Variants in ZFAND6 observed in about 807,000 individuals in gnomAD.
The protein encoded by ZFAND6 is zinc finger AN1-type containing 6.
Under a neutral mutation model 24.5 loss-of-function variants are expected in ZFAND6, and 12 were observed. The ratio of observed to expected loss-of-function variants is 0.49; its 90% CI spans 0.31 to 0.79. The LOEUF (loss-of-function observed/expected upper bound fraction) is 0.79. Ranked by LOEUF, ZFAND6 falls within the 30% of genes least tolerant of loss-of-function variation. The probability of loss-of-function intolerance (pLI) is 0.04; values close to 1 mark genes in which losing one functional copy is unlikely to be tolerated. For missense variants in ZFAND6, 207 were observed against 245.9 expected, an observed-to-expected ratio of 0.84 and a Z score of 1.06; for synonymous variants, 92 against 81.5, an observed-to-expected ratio of 1.13 and a Z score of -0.69.
intron 1 of ZFAND6, among the ~76,000 whole-genome samples, chr15:80,083,359 C>A (rs1281358653): frequency 6.6e-6 from 1 of 152,138 alleles, no homozygotes; most frequent in Non-Finnish European, 1.5e-5. Context: ...ATAATAAATT[C>A]TGCACAGGTT....
At chr15:80,060,967 G>C (rs907712785) in intron 1 of ZFAND6, among the ~76,000 whole-genome samples, 3 of 152,172 alleles carry the variant, frequency 2.0e-5, no homozygotes, top group Non-Finnish European at 2.9e-5. Flanking sequence ...CGAGAAACAG[G>C]ATTAAATTCC....
At chr15:80,125,629 A>G (rs1324975433) in intron 5 of ZFAND6, among the ~76,000 whole-genome samples, 1 of 152,240 alleles carries the variant, frequency 6.6e-6, no homozygotes, top group East Asian at 1.9e-4. Flanking sequence ...CCTTACTTAC[A>G]TAGTGTCACT....
intron 2 of ZFAND6, among the ~76,000 whole-genome samples, chr15:80,119,889 GAATA>G (rs750685587): frequency 3.3e-5 from 5 of 152,136 alleles, no homozygotes; most frequent in Admixed American, 2.0e-4. Context: ...TTTTGAAACA[GAATA>G]AATAACACAC....
intron 6 of ZFAND6, chr15:80,131,646 C>CT: frequency 3.5e-6 from 1 of 285,314 alleles, no homozygotes; most frequent in Non-Finnish European, 6.5e-6. Context: ...TAAAATAGGG[C>CT]TAATCATACG....
At chr15:80,102,624 T>C (rs1483018329) in intron 2 of ZFAND6, among the ~76,000 whole-genome samples, 1 of 152,204 alleles carries the variant, frequency 6.6e-6, no homozygotes, top group Admixed American at 6.5e-5. Context: ...GGCACATTAA[T>C]TTAGAGTCTT....
chr15:80,065,370 A>C (rs749295011), intron 1 of ZFAND6, among the ~76,000 whole-genome samples: 7 of 151,728 alleles, frequency 4.6e-5, no homozygotes, highest in Non-Finnish European at 1.0e-4. Flanking sequence ...ATGATTTGGT[A>C]CCAGTGTACA....
chr15:80,064,044 T>C (rs775165524), intron 1 of ZFAND6, among the ~76,000 whole-genome samples: 2 of 152,252 alleles, frequency 1.3e-5, no homozygotes, highest in African/African-American at 4.8e-5. Flanking sequence ...GTTACCCACA[T>C]GGACAGTTCC....
chr15:80,079,014 A>T (rs946735883), intron 1 of ZFAND6, among the ~76,000 whole-genome samples: 2 of 151,550 alleles, frequency 1.3e-5, no homozygotes, highest in South Asian at 4.2e-4. Flanking sequence ...CATTAGGTAT[A>T]TCTCCTAATG....
intron 3 of ZFAND6, 36 bp from the exon 4 acceptor site, chr15:80,121,676 A>G (rs1395059199): frequency 1.3e-6 from 2 of 1,566,628 alleles, no homozygotes; most frequent in Admixed American, 1.7e-5. Context: ...TGCTGAGCAT[A>G]TAGAATCACT....
At chr15:80,118,695 A>G (rs79327951) in intron 2 of ZFAND6, among the ~76,000 whole-genome samples, 4,282 of 152,236 alleles carry the variant, frequency 0.028, 303 homozygotes, top group East Asian at 0.24. Flanking sequence ...AATAAGAAAG[A>G]TGCTTGCCAA....
At chr15:80,067,198 C>G (rs2036698082) in intron 1 of ZFAND6, among the ~76,000 whole-genome samples, 1 of 152,132 alleles carries the variant, frequency 6.6e-6, no homozygotes, top group Non-Finnish European at 1.5e-5. Flanking sequence ...TTTTTTATTT[C>G]CAAATGGTAG....
intron 5 of ZFAND6, 130 bp from the exon 6 acceptor site, chr15:80,131,050 A>AT (rs2142050662): frequency 1.6e-6 from 1 of 619,398 alleles, no homozygotes; most frequent in East Asian, 2.8e-5. Context: ...CAACTTTGTA[A>AT]TTTAATGACT....
chr15:80,067,398 C>A (rs2036707467), intron 1 of ZFAND6, among the ~76,000 whole-genome samples: 2 of 152,148 alleles, frequency 1.3e-5, no homozygotes, highest in Admixed American at 6.5e-5. Context: ...TTGAGGAATC[C>A]TTCCTTGATG....
intron 1 of ZFAND6, among the ~76,000 whole-genome samples, chr15:80,065,446 T>TC (rs140809471): frequency 4.6e-5 from 7 of 151,286 alleles, no homozygotes; most frequent in Middle Eastern, 3.4e-3. Flanking sequence ...TGTTTAAGTC[T>TC]CCCCCCCATC....
intron 1 of ZFAND6, among the ~76,000 whole-genome samples, chr15:80,069,494 T>G (rs1037374031): frequency 4.6e-5 from 7 of 152,090 alleles, no homozygotes; most frequent in African/African-American, 1.7e-4. Context: ...CATATGCCAT[T>G]CATTCAAACT....
In ZFAND6 at chr15:80,120,668, A is replaced by G. The variant is rs1028706812; in HGVS notation, c.154+170A>G. On this transcript the variant is annotated intron_variant, in intron 3 of 6. Transcript: ENST00000261749. ...TATAATCAGTAGTGAGGAGTTAGGA[A>G]TGAGTATCATCACTCATTGAAAATA... 7 of 438,450 alleles carry G rather than the reference A, an allele frequency of 1.6e-5. 1 individual carries two copies. Among genetic ancestry groups the G allele is most frequent in the African/African-American group, 1.2e-4 (6 of 49,348 alleles). The allele number at this position is 438,450 out of a possible 1,614,324, so 27.2% of individuals were successfully genotyped here.
chr15:80,132,477 G>A (rs1011383504), intron 6 of ZFAND6, among the ~76,000 whole-genome samples: 2 of 152,312 alleles, frequency 1.3e-5, no homozygotes, highest in East Asian at 1.9e-4. Flanking sequence ...AGTATTAAGT[G>A]AGAGTGGCAA....
chr15:80,108,288 G>A (rs1310998530), intron 2 of ZFAND6, among the ~76,000 whole-genome samples: 1 of 152,116 alleles, frequency 6.6e-6, no homozygotes, highest in Non-Finnish European at 1.5e-5. Flanking sequence ...TTACCTTAGG[G>A]GGAGAAGAGA....
chr15:80,136,301 C>T (rs1351445920), intron 6 of ZFAND6, among the ~76,000 whole-genome samples: 1 of 151,974 alleles, frequency 6.6e-6, no homozygotes, highest in East Asian at 1.9e-4. Context: ...TCAGTCTCTA[C>T]TAAAAATACA....
Sources: allele counts gnomAD v4.1 joint callset (sites outside exome capture counted in the v4.1 genomes callset), GRCh38; gene constraint gnomAD v4.1.1; transcripts MANE v1.5; gene names NCBI Gene and HGNC (gene_info 2026-07-23, HGNC 2026-07-21).